Variants in BAAT observed in about 807,000 individuals in gnomAD.
BAAT encodes bile acid CoA: amino acid N-acyltransferase (glycine N-choloyltransferase).
A neutral mutation model predicts 18.9 loss-of-function variants in BAAT; 13 were observed. The observed-to-expected ratio is 0.69, with a 90% confidence interval of 0.45 to 1.10. The LOEUF (loss-of-function observed/expected upper bound fraction) is 1.10. Ranked by LOEUF, BAAT falls within the 50% of genes least tolerant of loss-of-function variation. BAAT has a pLI of 0.00. For missense variants in BAAT, 489 were observed against 504.0 expected, an observed-to-expected ratio of 0.97 and a Z score of 0.28; for synonymous variants, 170 against 190.7, an observed-to-expected ratio of 0.89 and a Z score of 0.89.
At chr9:101,367,812 T>C (rs1024883586) in intron 3 of BAAT, among the ~76,000 whole-genome samples, 2 of 152,218 alleles carry the variant, frequency 1.3e-5, no homozygotes, top group African/African-American at 2.4e-5. Flanking sequence ...ATAACCATAA[T>C]ATCCTATGAC....
chr9:101,370,866 C>T lies in BAAT; in HGVS notation c.466+73G>A, dbSNP rs915267575. The T allele has an allele frequency of 2.7e-6, 4 of 1,501,772 alleles. No homozygotes were observed. In the African/African-American group the frequency reaches 5.5e-5, roughly 21 times the overall value. The allele number at this position is 1,501,772 out of a possible 1,614,324, so 93.0% of individuals were successfully genotyped here. A position where few individuals can be genotyped will look rare whatever the true frequency, so the allele number is the denominator to read the frequency against. ...AGAGTAATTCTACAAGCTATTCAAG[C>T]TAAATTTCTAGACGGATAATGTATT... On this transcript the variant is annotated intron_variant, in intron 2 of 3. Transcript: ENST00000259407.
intron 1 of BAAT, among the ~76,000 whole-genome samples, chr9:101,379,260 C>G (rs1442408612): frequency 1.3e-5 from 2 of 152,206 alleles, no homozygotes; most frequent in Non-Finnish European, 2.9e-5. Context: ...CTCAGCCTCC[C>G]AAAGTGCTGG....
intron 2 of BAAT, among the ~76,000 whole-genome samples, chr9:101,368,529 C>G (rs1433578261): frequency 1.3e-5 from 2 of 152,168 alleles, no homozygotes; most frequent in African/African-American, 4.8e-5. Context: ...TATTCAAATA[C>G]AATTCCAACA....
chr9:101,372,995 G>A (rs1240561138), intron 1 of BAAT, among the ~76,000 whole-genome samples: 1 of 152,120 alleles, frequency 6.6e-6, no homozygotes, highest in Non-Finnish European at 1.5e-5. Context: ...AGAAATCTGA[G>A]GCATTGCACA....
At position 101,362,436 on chromosome 9, in the gene BAAT, G is replaced by A. The variant is rs934377807; in HGVS notation, c.1249C>T (p.Gln417Ter). 1.1e-5 allele frequency: 18 copies of A among 1,613,862 alleles called. No homozygotes were observed. Among genetic ancestry groups the A allele is most frequent in the Non-Finnish European group, 1.5e-5 (18 of 1,179,826 alleles). ...RKHLIPDVTS[Q>*]L ...AGGAATATCTAGTCTTCTTAGAGTT[G>A]ACTGGTCACATCTGGAATGAGGTGC... Residue 417 changes from glutamine (Q) to a stop codon, truncating the protein, a stop_gained, in exon 4 of 4, where the codon CAA (glutamine) becomes TAA (stop). Coordinates refer to ENST00000259407, the MANE Select transcript of BAAT (RefSeq NM_001701.4). LOFTEE classifies it high-confidence loss of function.
At chr9:101,376,929 T>C (rs1830058106) in intron 1 of BAAT, among the ~76,000 whole-genome samples, 1 of 152,204 alleles carries the variant, frequency 6.6e-6, no homozygotes. Flanking sequence ...CTATTGTGAA[T>C]AGTGCTGCAA....
chr9:101,383,773 G>T (rs1367568723), intron 1 of BAAT, among the ~76,000 whole-genome samples: 1 of 152,058 alleles, frequency 6.6e-6, no homozygotes, highest in African/African-American at 2.4e-5. Context: ...TATAGAAGTT[G>T]TTTGACCCCT....
In BAAT at chr9:101,370,968, C is replaced by T. The variant is rs772876970; in HGVS notation, c.437G>A (p.Arg146His). 74 of 1,613,992 alleles carry T rather than the reference C, an allele frequency of 4.6e-5. 1 individual carries two copies. The highest frequency in any genetic ancestry group is 2.4e-4 in the South Asian group (22 of 91,086). ...GVTRIKVREG[R>H]LRGALFLPPG... ...AGGGAGAAAGAGAGCTCCTCGAAGG[C>T]GGCCTTCTCGAACCTTAATTCGTGT... The change falls in exon 2 of 4, where the codon CGC becomes CAC. Residue 146 changes from arginine to histidine, a missense_variant. Arg to His is a conservative substitution (Grantham distance 29, BLOSUM62 0). Transcript: ENST00000259407.
At chr9:101,363,815 C>A (rs1474225934) in intron 3 of BAAT, among the ~76,000 whole-genome samples, 1 of 152,056 alleles carries the variant, frequency 6.6e-6, no homozygotes, top group Non-Finnish European at 1.5e-5. Context: ...AAAATGAAAG[C>A]CAAGCCTGGT....
Position 101,371,252 on chromosome 9 carries a change from C to A in BAAT, c.153G>T (p.Arg51Ser). The A allele has an allele frequency of 6.2e-7, 1 of 1,613,236 alleles. No individual in the cohort carries two copies. The highest frequency in any genetic ancestry group is 8.5e-7 in the Non-Finnish European group (1 of 1,179,354). ...GGTCCACCTCACCGAATTCATTGGC[C>A]CTATAGTGGGCTTGAGAATAAAACA... ...GDMFYSQAHY[R>S]ANEFGEVDLN... Residue 51 changes from arginine (R) to serine (S), a missense_variant, in exon 2 of 4, where the codon AGG (arginine) becomes AGT (serine). Coordinates refer to ENST00000259407, the MANE Select transcript of BAAT (RefSeq NM_001701.4).
In BAAT at chr9:101,362,538, G is replaced by A; in HGVS notation, c.1147C>T (p.His383Tyr). ...CASTTHDLRLHWGGEVIPHAA... is the reference protein window; with the variant it reads ...CASTTHDLRLYWGGEVIPHAA... ...TGTGGGATCACCTCTCCTCCCCAGT[G>A]TAACCTCAAATCGTGGGTCGTTGAG... The change falls in exon 4 of 4, where the codon CAC becomes TAC. Residue 383 changes from histidine to tyrosine, a missense_variant. His to Tyr is a moderately conservative substitution (Grantham distance 83, BLOSUM62 2). Coordinates refer to ENST00000259407, the MANE Select transcript of BAAT (RefSeq NM_001701.4). 5 of 1,614,106 alleles carry A rather than the reference G, an allele frequency of 3.1e-6. No homozygotes were observed. The highest frequency in any genetic ancestry group is 4.2e-6 in the Non-Finnish European group (5 of 1,180,016).
chr9:101,381,626 CAAAA>C (rs1451495482), intron 1 of BAAT, among the ~76,000 whole-genome samples: 1 of 151,560 alleles, frequency 6.6e-6, no homozygotes, highest in African/African-American at 2.4e-5. Context: ...AACACATTGT[CAAAA>C]AAAGACAGAT....
Position 101,362,915 on chromosome 9 carries a change from A to C in BAAT, c.770T>G (p.Ile257Ser). ...YLKQVTATVL[I>S]NGTNFPFGIP... ...GCCAAAAGGAAAGTTGGTCCCATTA[A>C]TAAGTACCGTGGCTGTGACTTGCTT... The change falls in exon 4 of 4, where the codon ATT (isoleucine) becomes AGT (serine). Residue 257 changes from isoleucine to serine, a missense_variant. Ile to Ser is a moderately radical substitution (Grantham distance 142, BLOSUM62 -2). Transcript: ENST00000259407. The C allele has an allele frequency of 6.2e-7, 1 of 1,614,110 alleles. No individual in the cohort carries two copies. Among genetic ancestry groups the C allele is most frequent in the Non-Finnish European group, 8.5e-7 (1 of 1,179,958 alleles).
chr9:101,372,936 C>T (rs866681921), intron 1 of BAAT, among the ~76,000 whole-genome samples: 5 of 152,204 alleles, frequency 3.3e-5, no homozygotes, highest in Non-Finnish European at 5.9e-5. Context: ...GCCAACTTTC[C>T]GTAGAGCTTC....
chr9:101,377,722 C>T (rs1364765834), intron 1 of BAAT, among the ~76,000 whole-genome samples: 2 of 152,130 alleles, frequency 1.3e-5, no homozygotes, highest in African/African-American at 4.8e-5. Context: ...TCTCACCTCT[C>T]CTATTCAACA....
At chr9:101,367,391 G>T (rs111578619) in intron 3 of BAAT, among the ~76,000 whole-genome samples, 3,154 of 152,228 alleles carry the variant, frequency 0.021, 123 homozygotes, top group African/African-American at 0.071. Context: ...TATAAGATAA[G>T]GCTGAAGCAG....
chr9:101,363,628 G>C (rs574605979), intron 3 of BAAT, among the ~76,000 whole-genome samples: 1 of 149,922 alleles, frequency 6.7e-6, no homozygotes, highest in South Asian at 2.1e-4. Context: ...CTCACTGCCA[G>C]ATGAAGACAC....
intron 2 of BAAT, among the ~76,000 whole-genome samples, chr9:101,368,651 C>T (rs1391295719): frequency 2.6e-5 from 4 of 152,018 alleles, no homozygotes; most frequent in Non-Finnish European, 5.9e-5. Context: ...CTCTCTGCAG[C>T]TGAGGAAATG....
At chr9:101,381,383 G>A (rs991262915) in intron 1 of BAAT, among the ~76,000 whole-genome samples, 1 of 151,950 alleles carries the variant, frequency 6.6e-6, no homozygotes, top group Non-Finnish European at 1.5e-5. Context: ...AATTAGCTGG[G>A]TGTGGTGGGG....
Sources: gnomAD v4.1 joint callset for allele counts (sites outside exome capture counted in the v4.1 genomes callset) on GRCh38, gnomAD v4.1.1 for gene constraint, MANE v1.5 for transcripts, NCBI Gene and HGNC (gene_info 2026-07-23, HGNC 2026-07-21) for gene names.